TMEM117: variants seen among roughly 807,000 people sequenced by gnomAD.
TMEM117 encodes transmembrane protein 117.
In TMEM117, 27 loss-of-function variants were observed where a neutral mutation model predicts 52.4. That is an observed-to-expected ratio of 0.51 (90% CI 0.38 to 0.71). The LOEUF (loss-of-function observed/expected upper bound fraction) is 0.71. Ranked by LOEUF, TMEM117 falls within the 30% of genes least tolerant of loss-of-function variation. The pLI is 0.00. For synonymous variants in TMEM117, 215 were observed against 206.3 expected (o/e 1.04, Z -0.36); for missense variants, 556 against 630.5 (o/e 0.88, Z 1.26).
At chr12:44,070,489 A>G (rs902912529) in intron 3 of TMEM117, among the ~76,000 whole-genome samples, 5 of 152,194 alleles carry the variant, frequency 3.3e-5, no homozygotes, top group Non-Finnish European at 5.9e-5. Context: ...GGGTCAGTCA[A>G]CCTGCAGTGT....
At chr12:44,149,544 C>T (rs1463620627) in intron 4 of TMEM117, among the ~76,000 whole-genome samples, 1 of 152,052 alleles carries the variant, frequency 6.6e-6, no homozygotes, top group Non-Finnish European at 1.5e-5. Flanking sequence ...TCATTTTATG[C>T]TTATTGCACA....
At chr12:43,906,924 C>T (rs1349965753) in intron 2 of TMEM117, among the ~76,000 whole-genome samples, 3 of 152,228 alleles carry the variant, frequency 2.0e-5, no homozygotes, top group East Asian at 1.9e-4. Flanking sequence ...GGGGGAGGGG[C>T]GCCTGCCATT....
the TMEM117 span, chr12:43,800,322 A>G: frequency 1.4e-6 from 1 of 714,402 alleles, no homozygotes; most frequent in East Asian, 2.6e-5. Flanking sequence ...TATTTCTCTT[A>G]TTCTCATGTT....
chr12:43,960,039 G>T (rs973600117), intron 3 of TMEM117, among the ~76,000 whole-genome samples: 2 of 152,176 alleles, frequency 1.3e-5, no homozygotes, highest in African/African-American at 4.8e-5. Flanking sequence ...TAGCTGAAAA[G>T]CTTGATTGGC....
At chr12:43,809,607 T>G in the TMEM117 span, among the ~76,000 whole-genome samples, 1 of 152,216 alleles carries the variant, frequency 6.6e-6, no homozygotes, top group Non-Finnish European at 1.5e-5. Context: ...TGGAGTTAGA[T>G]TGAATTTCCA....
intron 6 of TMEM117, among the ~76,000 whole-genome samples, chr12:44,340,232 C>T (rs374281761): frequency 1.1e-4 from 16 of 151,698 alleles, no homozygotes; most frequent in Admixed American, 5.3e-4. Context: ...ATAAAGATGA[C>T]GTAAATGAAG....
At chr12:44,176,392 C>T (rs912634111) in intron 4 of TMEM117, among the ~76,000 whole-genome samples, 1 of 152,156 alleles carries the variant, frequency 6.6e-6, no homozygotes, top group African/African-American at 2.4e-5. Context: ...TATAGAAGTG[C>T]TATCTCAGTA....
intron 2 of TMEM117, among the ~76,000 whole-genome samples, chr12:43,850,218 A>G (rs1943282593): frequency 6.6e-6 from 1 of 152,154 alleles, no homozygotes. Context: ...CACCATGGGG[A>G]ATTTGCCTAA....
At chr12:43,994,833 G>A (rs1245655300) in intron 3 of TMEM117, among the ~76,000 whole-genome samples, 1 of 152,084 alleles carries the variant, frequency 6.6e-6, no homozygotes, top group Non-Finnish European at 1.5e-5. Context: ...AGATGAAGGA[G>A]GAAGTGAACT....
intron 3 of TMEM117, among the ~76,000 whole-genome samples, chr12:43,973,231 T>C (rs1224209966): frequency 2.0e-5 from 3 of 152,124 alleles, no homozygotes. Context: ...AGTCCCAGGC[T>C]ACCAGAATTT....
chr12:43,997,194 C>T (rs949343778), intron 3 of TMEM117, among the ~76,000 whole-genome samples: 4 of 152,276 alleles, frequency 2.6e-5, no homozygotes, highest in Middle Eastern at 3.4e-3. Flanking sequence ...TATTTGACTC[C>T]AAAACCTGCA....
intron 3 of TMEM117, among the ~76,000 whole-genome samples, chr12:44,103,620 T>A (rs1031554472): frequency 1.3e-5 from 2 of 152,018 alleles, no homozygotes; most frequent in Admixed American, 6.6e-5. Flanking sequence ...GGGGGCAGAT[T>A]TCATCATTTA....
chr12:43,808,975 A>G, the TMEM117 span, among the ~76,000 whole-genome samples: 7,419 of 114,426 alleles, frequency 0.065, 230 homozygotes, highest in Middle Eastern at 0.18. Flanking sequence ...TATGTAGGAA[A>G]ACAAAACAAA....
At chr12:44,160,009 C>G (rs1480209743) in intron 4 of TMEM117, among the ~76,000 whole-genome samples, 2 of 151,980 alleles carry the variant, frequency 1.3e-5, no homozygotes, top group Non-Finnish European at 2.9e-5. Context: ...GCACAAAGAC[C>G]CTGGCCAAAG....
Position 44,276,869 on chromosome 12 carries a change from C to A in TMEM117, c.609-22711C>A, listed in dbSNP as rs552069608. On this transcript the variant is annotated intron_variant, in intron 5 of 7. Transcript: ENST00000266534. ...CCTGTTTTTTTTCCTTTGAGAAGTT[C>A]TTTTTAAATACATGAAAAGTTTGTG... Among the ~76,000 whole-genome samples, 18 of 149,202 alleles carry A rather than the reference C, an allele frequency of 1.2e-4. No individual in the cohort carries two copies. The South Asian group carries it at 3.8e-3, about 32-fold the overall frequency.
intron 3 of TMEM117, among the ~76,000 whole-genome samples, chr12:44,082,994 G>A (rs1947507301): frequency 6.6e-6 from 1 of 151,966 alleles, no homozygotes; most frequent in Non-Finnish European, 1.5e-5. Context: ...CTTTGATGTT[G>A]TGACTATACT....
intron 3 of TMEM117, among the ~76,000 whole-genome samples, chr12:44,030,427 C>T (rs1946614478): frequency 6.6e-6 from 1 of 152,204 alleles, no homozygotes; most frequent in Non-Finnish European, 1.5e-5. Context: ...ATAGGCTCCA[C>T]ACCTAGTACA....
chr12:44,003,808 C>T (rs1946152083), intron 3 of TMEM117, among the ~76,000 whole-genome samples: 1 of 152,128 alleles, frequency 6.6e-6, no homozygotes, highest in South Asian at 2.1e-4. Context: ...CCTTACTGCC[C>T]ATGTCTCCAT....
intron 3 of TMEM117, among the ~76,000 whole-genome samples, chr12:43,961,172 C>T (rs1384656476): frequency 6.6e-6 from 1 of 151,954 alleles, no homozygotes; most frequent in African/African-American, 2.4e-5. Flanking sequence ...TGATGCCCAC[C>T]ATATAATGAA....
Sources: allele counts gnomAD v4.1 joint callset (sites outside exome capture counted in the v4.1 genomes callset), GRCh38; gene constraint gnomAD v4.1.1; transcripts MANE v1.5; gene names NCBI Gene and HGNC (gene_info 2026-07-23, HGNC 2026-07-21).